Variants in ZGRF1 observed in about 807,000 individuals in gnomAD.
ZGRF1 encodes the protein 5'-3' DNA helicase ZGRF1.
Under a neutral mutation model 203.5 loss-of-function variants are expected in ZGRF1, and 196 were observed. The ratio of observed to expected loss-of-function variants is 0.96; its 90% CI spans 0.86 to 1.08. The LOEUF (loss-of-function observed/expected upper bound fraction) is 1.08. ZGRF1 is among the 50% of genes least tolerant of loss of function. The probability of loss-of-function intolerance (pLI) is 0.00; values close to 1 mark genes in which losing one functional copy is unlikely to be tolerated. For synonymous variants in ZGRF1, 809 were observed against 841.3 expected, an observed-to-expected ratio of 0.96 and a Z score of 0.66; for missense variants, 2,326 against 2,416.3, an observed-to-expected ratio of 0.96 and a Z score of 0.78.
intron 22 of ZGRF1, among the ~76,000 whole-genome samples, chr4:112,553,038 T>TA (rs1047581538): frequency 2.6e-4 from 39 of 152,226 alleles, no homozygotes; most frequent in African/African-American, 9.4e-4. Flanking sequence ...GCTGTTGTCT[T>TA]AAAGTACTGA....
intron 20 of ZGRF1, among the ~76,000 whole-genome samples, chr4:112,555,970 G>T: frequency 6.6e-6 from 1 of 150,704 alleles, no homozygotes; most frequent in Admixed American, 6.6e-5. Context: ...ATATTGTTTT[G>T]TTTTCTAACA....
intron 4 of ZGRF1, among the ~76,000 whole-genome samples, chr4:112,621,459 G>T (rs938861133): frequency 6.6e-6 from 1 of 151,960 alleles, no homozygotes; most frequent in East Asian, 2.0e-4. Context: ...AGACCAGCCT[G>T]ACCAACATGG....
intron 8 of ZGRF1, among the ~76,000 whole-genome samples, chr4:112,608,315 T>G (rs930058211): frequency 6.6e-6 from 1 of 152,148 alleles, no homozygotes; most frequent in African/African-American, 2.4e-5. Context: ...GTGATACCTG[T>G]CCTTAAAAAA....
At position 112,558,239 on chromosome 4, in the gene ZGRF1, CT is replaced by C. The variant is rs1408544325; in HGVS notation, c.5030del (p.Lys1677ArgfsTer16). ...VILFFVQLFE[K>X]SEAPTIGNAR... ...CATTTCCAATGGTGGGAGCTTCACT[CT>C]TTTCAAACAGCTGTACAAAGAACAA... On this transcript the variant is annotated frameshift_variant, in exon 20 of 28. Coordinates refer to ENST00000505019, the MANE Select transcript of ZGRF1 (RefSeq NM_018392.5). LOFTEE classifies it high-confidence loss of function. The C allele has an allele frequency of 1.2e-6, 2 of 1,605,566 alleles. No homozygotes were observed. Among genetic ancestry groups the C allele is most frequent in the African/African-American group, 2.7e-5 (2 of 74,358 alleles).
chr4:112,602,592 C>G (rs1043653009), intron 10 of ZGRF1, among the ~76,000 whole-genome samples: 1 of 152,200 alleles, frequency 6.6e-6, no homozygotes, highest in African/African-American at 2.4e-5. Flanking sequence ...CATGATGGTA[C>G]TTGAATGTTC....
At chr4:112,549,435 T>A (rs1314981402) in intron 22 of ZGRF1, among the ~76,000 whole-genome samples, 2 of 152,156 alleles carry the variant, frequency 1.3e-5, no homozygotes, top group African/African-American at 4.8e-5. Context: ...CACAAACACA[T>A]ACACATACAT....
chr4:112,584,714 T>C (rs936232466), intron 14 of ZGRF1, among the ~76,000 whole-genome samples: 1 of 152,210 alleles, frequency 6.6e-6, no homozygotes, highest in Non-Finnish European at 1.5e-5. Flanking sequence ...GTTATATCAC[T>C]ACTCATGAAT....
At chr4:112,545,165 T>A (rs908005436) in intron 24 of ZGRF1, among the ~76,000 whole-genome samples, 10 of 151,856 alleles carry the variant, frequency 6.6e-5, no homozygotes, top group Non-Finnish European at 1.5e-5. Context: ...ATTAAGAACT[T>A]TTGTGCATCA....
chr4:112,541,014 T>C, intron 25 of ZGRF1, 59 bp from the exon 26 acceptor site: 2 of 1,546,592 alleles, frequency 1.3e-6, no homozygotes, highest in Non-Finnish European at 1.8e-6. Context: ...AAAAACCAAG[T>C]AAAATCATAC....
intron 3 of ZGRF1, among the ~76,000 whole-genome samples, chr4:112,629,312 C>T (rs573104193): frequency 6.6e-6 from 1 of 152,310 alleles, no homozygotes; most frequent in African/African-American, 2.4e-5. Flanking sequence ...AATATCAATA[C>T]TTTTGAATTA....
intron 4 of ZGRF1, among the ~76,000 whole-genome samples, chr4:112,622,520 G>GAAAA (rs5861105): frequency 1.3e-5 from 1 of 75,250 alleles, no homozygotes; most frequent in Non-Finnish European, 2.4e-5. Flanking sequence ...ACTCCATCTC[G>GAAAA]AAAAAAAAAA....
intron 3 of ZGRF1, chr4:112,628,941 G>A: frequency 8.4e-6 from 3 of 355,152 alleles, no homozygotes; most frequent in Non-Finnish European, 1.6e-5. Flanking sequence ...AAAAAAATAT[G>A]GATATGCAAA....
At chr4:112,586,000 G>A (rs1747121656) in intron 13 of ZGRF1, among the ~76,000 whole-genome samples, 1 of 152,046 alleles carries the variant, frequency 6.6e-6, no homozygotes, top group South Asian at 2.1e-4. Flanking sequence ...CACTTTGGGA[G>A]GCCAAGGCGA....
chr4:112,567,914 C>G (rs796084398), intron 16 of ZGRF1, among the ~76,000 whole-genome samples: 6 of 151,912 alleles, frequency 3.9e-5, no homozygotes, highest in African/African-American at 1.4e-4. Flanking sequence ...GAGTGAGACC[C>G]TGTCTCAAAA....
intron 20 of ZGRF1, among the ~76,000 whole-genome samples, chr4:112,556,219 G>A (rs916736818): frequency 6.6e-6 from 1 of 152,022 alleles, no homozygotes; most frequent in African/African-American, 2.4e-5. Flanking sequence ...CTAGACTTAG[G>A]ATTATTTTCC....
chr4:112,586,209 C>T (rs1747151905), intron 13 of ZGRF1, among the ~76,000 whole-genome samples: 2 of 150,366 alleles, frequency 1.3e-5, no homozygotes, highest in African/African-American at 4.9e-5. Flanking sequence ...CACTGCACTC[C>T]AGCCTGGGCA....
At chr4:112,607,378 C>T (rs1026077721) in intron 8 of ZGRF1, among the ~76,000 whole-genome samples, 4 of 152,144 alleles carry the variant, frequency 2.6e-5, no homozygotes, top group Non-Finnish European at 5.9e-5. Flanking sequence ...AAATGATACC[C>T]CTGTCTTGGC....
rs921312616 is a variant in ZGRF1 at position 112,635,977 on chromosome 4, A to T, written c.-67+874T>A. ...ATTATAGGAGAAAACCTAAAAAAAA[A>T]AAGCTAACTGGATCTTTTAAAATTT... On this transcript the variant is annotated intron_variant, in intron 1 of 27. Transcript: ENST00000505019. Among the ~76,000 whole-genome samples, 3 of 152,314 alleles carry T rather than the reference A, an allele frequency of 2.0e-5. No individual in the cohort carries two copies. The East Asian group carries it at 5.8e-4, about 29-fold the overall frequency.
chr4:112,618,557 G>A lies in ZGRF1; in HGVS notation c.1485C>T (p.Ile495=), dbSNP rs368587950. The change falls in exon 6 of 28, where the codon ATC becomes ATT. Residue 495 remains isoleucine (I), a synonymous_variant. Transcript: ENST00000505019. ...LQIESSNNSR[I]SDDITDMISE... ...AAATCATGTCTGTAATGTCATCAGA[G>A]ATCCTAGAATTATTACTAGATTCAA... The A allele has an allele frequency of 7.2e-5, 116 of 1,613,486 alleles. No homozygotes were observed. The African/African-American group carries it at 1.4e-3, about 19-fold the overall frequency.
Sources: allele counts gnomAD v4.1 joint callset (sites outside exome capture counted in the v4.1 genomes callset), GRCh38; gene constraint gnomAD v4.1.1; transcripts MANE v1.5; gene names NCBI Gene and HGNC (gene_info 2026-07-23, HGNC 2026-07-21).